Variants in KIF26B observed in about 807,000 individuals in gnomAD.
The protein encoded by KIF26B is kinesin-like protein KIF26B.
KIF26B carries 63 observed loss-of-function variants against 151.2 expected under a neutral mutation model. That is an observed-to-expected ratio of 0.42 (90% confidence interval 0.34 to 0.51). The LOEUF is 0.51. Ranked by LOEUF, KIF26B falls within the 20% of genes least tolerant of loss-of-function variation. The pLI is 0.07. For missense variants in KIF26B, 2,813 were observed against 2,913.6 expected (o/e 0.97, Z 0.79); for synonymous variants, 1,357 against 1,262.1 (o/e 1.08, Z -1.59).
At position 245,646,169 on chromosome 1, in the gene KIF26B, T is replaced by C. The variant is rs1180300667; in HGVS notation, c.2147T>C (p.Val716Ala). Reference protein sequence around the residue: ...RLHLIDLGSCVKALSKNREGG... With the variant: ...RLHLIDLGSCAKALSKNREGG... ...CATCTCATTGATCTCGGCAGCTGTG[T>C]GAAAGCTCTTAGCAAAAATCGAGAA... Residue 716 changes from valine (V) to alanine (A), a missense_variant, in exon 10 of 15, where the codon GTG becomes GCG. Val to Ala is a moderately conservative substitution (Grantham distance 64). Coordinates refer to ENST00000407071, the MANE Select transcript of KIF26B (RefSeq NM_018012.4). The C allele has an allele frequency of 6.2e-6, 10 of 1,613,910 alleles. No homozygotes were observed. Among genetic ancestry groups the C allele is most frequent in the Non-Finnish European group, 7.6e-6 (9 of 1,179,892 alleles).
chr1:245,294,017 C>T (rs73130809), intron 2 of KIF26B, among the ~76,000 whole-genome samples: 4,735 of 152,182 alleles, frequency 0.031, 238 homozygotes, highest in African/African-American at 0.11. Context: ...GGGCAGAATC[C>T]GGGTGAGAAA....
intron 10 of KIF26B, among the ~76,000 whole-genome samples, chr1:245,647,444 G>GA (rs1423189945): frequency 1.9e-5 from 2 of 105,748 alleles, no homozygotes; most frequent in Admixed American, 1.9e-4. Context: ...AAAAAAAAAA[G>GA]AAAAAAAAGA....
rs748732347 is a variant in KIF26B at position 245,702,642 on chromosome 1, C to T, written c.*36C>T. 17 of 1,600,378 alleles carry T rather than the reference C, an allele frequency of 1.1e-5. No homozygotes were observed. The highest frequency in any genetic ancestry group is 1.0e-4 in the Admixed American group (6 of 59,218). ...CCCTTGTCCTAGTGGTCCCCCGCTCCCCAGGACTTCAGAGATGTTGCACGC... is the reference window on the plus strand; with the variant it reads ...CCCTTGTCCTAGTGGTCCCCCGCTCTCCAGGACTTCAGAGATGTTGCACGC... On this transcript the variant is annotated 3_prime_UTR_variant, in exon 15 of 15. Coordinates refer to ENST00000407071, the MANE Select transcript of KIF26B (RefSeq NM_018012.4). The surrounding 1 kb of genome is among the most constrained non-coding windows in gnomAD (Gnocchi z 4.1).
chr1:245,212,517 C>T (rs543776847), intron 2 of KIF26B, among the ~76,000 whole-genome samples: 2 of 152,318 alleles, frequency 1.3e-5, no homozygotes, highest in African/African-American at 4.8e-5. Flanking sequence ...GGGTGAAAAG[C>T]GAATGCAGGT....
In KIF26B at chr1:245,591,689, C is replaced by T. The variant is rs139097577; in HGVS notation, c.1351-10888C>T. ...TTCATTCACACCTGAGAACGCCTGTCTCTGGATGCATCTTTACACCAGCTC... is the reference window on the plus strand; with the variant it reads ...TTCATTCACACCTGAGAACGCCTGTTTCTGGATGCATCTTTACACCAGCTC... On this transcript the variant is annotated intron_variant, in intron 5 of 14. Transcript: ENST00000407071. Among the ~76,000 whole-genome samples the T allele has an allele frequency of 4.0e-3, 609 of 152,286 alleles. 1 individual carries two copies. The highest frequency in any genetic ancestry group is 0.014 in the African/African-American group (574 of 41,566).
rs182652137 is a variant in KIF26B, at chr1:245,428,249, A to G, written c.1166+8504A>G. Among the ~76,000 whole-genome samples the G allele has an allele frequency of 1.2e-4, 18 of 152,332 alleles. No individual in the cohort carries two copies. The East Asian group carries it at 3.5e-3, about 29-fold the overall frequency. On this transcript the variant is annotated intron_variant, in intron 4 of 14. Transcript: ENST00000407071. ...CTTGGAAAAGAAGGGACTCTCACTC[A>G]TGTATATTGATGAAGTGAATTTTTA...
chr1:245,303,273 A>G (rs894304879), intron 2 of KIF26B, among the ~76,000 whole-genome samples: 1 of 135,670 alleles, frequency 7.4e-6, no homozygotes, highest in Non-Finnish European at 1.5e-5. Flanking sequence ...ATCTCGGCTC[A>G]CTGCAAGCTC....
At position 245,667,732 on chromosome 1, in the gene KIF26B, G is replaced by C. The variant is rs1490843716; in HGVS notation, c.2259-16501G>C. Among the ~76,000 whole-genome samples, 1 of 152,144 alleles carries C rather than the reference G, an allele frequency of 6.6e-6. No homozygotes were observed. The highest frequency in any genetic ancestry group is 1.5e-5 in the Non-Finnish European group (1 of 68,026). Reference sequence around the variant, plus strand: ...AGGAGGTGGCAGGAGTGACATTTGGGCCATCCAGGCAACTCACCAAGTCCC... The same window carrying C: ...AGGAGGTGGCAGGAGTGACATTTGGCCCATCCAGGCAACTCACCAAGTCCC... On this transcript the variant is annotated intron_variant, in intron 10 of 14. Transcript: ENST00000407071. This position sits in a 1 kb window ranked among gnomAD's most constrained non-coding sequence, Gnocchi z 4.3.
intron 2 of KIF26B, among the ~76,000 whole-genome samples, chr1:245,315,677 G>T (rs2102984530): frequency 6.7e-6 from 1 of 149,264 alleles, no homozygotes; most frequent in Admixed American, 6.7e-5. Context: ...AGCCAAGATT[G>T]CACCACTGCA....
At chr1:245,451,538 G>A (rs1659390307) in intron 4 of KIF26B, among the ~76,000 whole-genome samples, 1 of 134,798 alleles carries the variant, frequency 7.4e-6, no homozygotes, top group South Asian at 2.4e-4. Context: ...TTGAGAAGGT[G>A]TATTCTCCTT....
At chr1:245,604,598 T>C (rs1331446430) in intron 6 of KIF26B, among the ~76,000 whole-genome samples, 1 of 152,182 alleles carries the variant, frequency 6.6e-6, no homozygotes, top group African/African-American at 2.4e-5. Context: ...GAAGCAAATC[T>C]CCACAAGTTG....
At position 245,592,276 on chromosome 1, in the gene KIF26B, C is replaced by G. The variant is rs560950341; in HGVS notation, c.1351-10301C>G. ...AGAAGCCAGCCGCCCAGGGTGCAGG[C>G]GCAGGCCCCACTGCCCGCCCCAGTC... On this transcript the variant is annotated intron_variant, in intron 5 of 14. Transcript: ENST00000407071. Among the ~76,000 whole-genome samples the G allele has an allele frequency of 1.3e-4, 20 of 152,312 alleles. No homozygotes were observed. In the East Asian group the frequency reaches 3.5e-3, roughly 27 times the overall value.
rs1168919686 is a variant in KIF26B, at chr1:245,606,195, G to GC, written c.1558-1450dup. On this transcript the variant is annotated intron_variant, in intron 6 of 14. Transcript: ENST00000407071. The surrounding 1 kb of genome is among the most constrained non-coding windows in gnomAD (Gnocchi z 4.6). ...CCCTCTGGCCCAGGAGGAGCCCCCC[G>GC]CCCCCCGCAGAGTTGCTGGGGACCA... Among the ~76,000 whole-genome samples the GC allele has an allele frequency of 1.3e-5, 2 of 152,000 alleles. No individual in the cohort carries two copies. Among genetic ancestry groups the GC allele is most frequent in the Admixed American group, 6.6e-5 (1 of 15,262 alleles).
chr1:245,490,247 T>G (rs1264786636), intron 4 of KIF26B, among the ~76,000 whole-genome samples: 1 of 151,872 alleles, frequency 6.6e-6, no homozygotes, highest in Non-Finnish European at 1.5e-5. Context: ...TAGATTCTTC[T>G]CAGACTATCC....
At chr1:245,334,932 G>A (rs190675664) in intron 2 of KIF26B, among the ~76,000 whole-genome samples, 9 of 152,318 alleles carry the variant, frequency 5.9e-5, no homozygotes, top group Middle Eastern at 3.4e-3. Flanking sequence ...TTAGGTGTCG[G>A]AGTTGGGATT....
At position 245,220,207 on chromosome 1, in the gene KIF26B, T is replaced by G. The variant is rs369142724; in HGVS notation, c.465+63524T>G. 4.5e-4 allele frequency among the ~76,000 whole-genome samples: 68 copies of G among 152,336 alleles called. 1 individual carries two copies. The highest frequency in any genetic ancestry group is 1.6e-3 in the African/African-American group (68 of 41,584). ...CTAGTGTTTTCTTCCTTGAGACTTGTTTCCCCTTTGACAGTTTAGATGGAT... is the reference window on the plus strand; with the variant it reads ...CTAGTGTTTTCTTCCTTGAGACTTGGTTCCCCTTTGACAGTTTAGATGGAT... On this transcript the variant is annotated intron_variant, in intron 2 of 14. Transcript: ENST00000407071.
At chr1:245,450,551 G>A (rs779714606) in intron 4 of KIF26B, among the ~76,000 whole-genome samples, 1 of 152,206 alleles carries the variant, frequency 6.6e-6, no homozygotes, top group Non-Finnish European at 1.5e-5. Flanking sequence ...GTACTGGGCT[G>A]TTGTTCCATT....
intron 12 of KIF26B, among the ~76,000 whole-genome samples, chr1:245,693,025 C>T (rs569330734): frequency 1.9e-3 from 295 of 152,274 alleles, no homozygotes; most frequent in Non-Finnish European, 2.8e-3. Flanking sequence ...CCCCAGTCCT[C>T]GCGCTCCCCC....
At chr1:245,225,619 G>A (rs1234458299) in intron 2 of KIF26B, among the ~76,000 whole-genome samples, 2 of 152,190 alleles carry the variant, frequency 1.3e-5, no homozygotes, top group African/African-American at 4.8e-5. Context: ...CTTGCTAGGG[G>A]TTCTTCCCTC....
Sources: gnomAD v4.1 joint callset for allele counts (sites outside exome capture counted in the v4.1 genomes callset) on GRCh38, gnomAD v4.1.1 for gene constraint, Gnocchi (gnomAD v3.1) non-coding constraint, MANE v1.5 for transcripts, NCBI Gene and HGNC (gene_info 2026-07-23, HGNC 2026-07-21) for gene names.